Variants in ESRRG observed in about 807,000 individuals in gnomAD.
ESRRG encodes estrogen-related receptor gamma.
Under a neutral mutation model 44.0 loss-of-function variants are expected in ESRRG, and 13 were observed. That is an observed-to-expected ratio of 0.30 (90% CI 0.19 to 0.47). ESRRG has a LOEUF of 0.47. Ranked by LOEUF, ESRRG falls within the 20% of genes least tolerant of loss-of-function variation. The pLI is 1.00. For missense variants in ESRRG, 395 were observed against 580.6 expected (o/e 0.68, Z 3.29); for synonymous variants, 215 against 214.6 (o/e 1.00, Z -0.02).
At chr1:216,518,242 A>G (rs924113920) in intron 6 of ESRRG, among the ~76,000 whole-genome samples, 8 of 152,150 alleles carry the variant, frequency 5.3e-5, no homozygotes, top group African/African-American at 1.9e-4. Context: ...GCAGAATTTG[A>G]ACAAATAGCC....
Position 216,733,066 on chromosome 1 carries a change from C to CA in ESRRG, c.-13-55576dup, listed in dbSNP as rs35856655. Among the ~76,000 whole-genome samples the CA allele has an allele frequency of 1.8e-3, 271 of 147,170 alleles. 5 individuals carry two copies. In the East Asian group the frequency reaches 0.042, roughly 23 times the overall value. ...CATTAAGACAGAAGCAACAATAATC[C>CA]AAAAAAAAAAAAAATTCAACTTTAA... On this transcript the variant is annotated intron_variant, in intron 2 of 7. Transcript: ENST00000359162.
At chr1:216,821,349 A>G (rs1016890563) in intron 2 of ESRRG, among the ~76,000 whole-genome samples, 2 of 151,958 alleles carry the variant, frequency 1.3e-5, no homozygotes, top group Non-Finnish European at 2.9e-5. Context: ...GAACCATTTG[A>G]AATTGTGGGG....
At chr1:216,903,707 G>T (rs1470137464) in intron 2 of ESRRG, among the ~76,000 whole-genome samples, 2 of 152,060 alleles carry the variant, frequency 1.3e-5, no homozygotes, top group East Asian at 3.9e-4. Flanking sequence ...AGTAAGAAGT[G>T]CCTTGGGGAA....
intron 2 of ESRRG, among the ~76,000 whole-genome samples, chr1:216,799,113 C>T (rs1488480723): frequency 6.6e-6 from 1 of 151,928 alleles, no homozygotes; most frequent in Non-Finnish European, 1.5e-5. Flanking sequence ...GTATGCTGTC[C>T]CCAAAGAGCC....
intron 2 of ESRRG, among the ~76,000 whole-genome samples, chr1:216,775,015 C>T (rs1395078036): frequency 6.6e-6 from 1 of 151,128 alleles, no homozygotes; most frequent in Non-Finnish European, 1.5e-5. Context: ...CACTATATTG[C>T]TCAGGCTGGT....
At chr1:216,625,961 CCTCT>C (rs756388394) in intron 3 of ESRRG, among the ~76,000 whole-genome samples, 5 of 152,104 alleles carry the variant, frequency 3.3e-5, no homozygotes, top group African/African-American at 1.2e-4. Context: ...TCTCTCACTC[CCTCT>C]GTCTGTTTTT....
intron 1 of ESRRG, among the ~76,000 whole-genome samples, chr1:216,951,049 G>A (rs1396896561): frequency 1.3e-5 from 2 of 152,090 alleles, no homozygotes; most frequent in Non-Finnish European, 2.9e-5. Flanking sequence ...AAAAGAGAGT[G>A]GAAAAGACCA....
At chr1:216,574,804 A>AT (rs2061413488) in intron 3 of ESRRG, among the ~76,000 whole-genome samples, 3 of 152,206 alleles carry the variant, frequency 2.0e-5, no homozygotes, top group Admixed American at 6.6e-5. Context: ...GAGTATAGGG[A>AT]GCAGAATGGA....
In ESRRG at chr1:217,015,020, C is replaced by A. The variant is rs537261460; in HGVS notation, c.-106+74487G>T. Among the ~76,000 whole-genome samples, 22 of 152,188 alleles carry A rather than the reference C, an allele frequency of 1.4e-4. No individual in the cohort carries two copies. In the East Asian group the frequency reaches 4.1e-3, roughly 28 times the overall value. Reference sequence around the variant, plus strand: ...AAAATGACCAAAAAAAGCAGAAACCCCATTGAACAATCTGCTCTGAAAATA... The same window carrying A: ...AAAATGACCAAAAAAAGCAGAAACCACATTGAACAATCTGCTCTGAAAATA... On this transcript the variant is annotated intron_variant, in intron 1 of 7. Coordinates refer to the ESRRG transcript ENST00000359162.
intron 3 of ESRRG, among the ~76,000 whole-genome samples, chr1:216,590,800 T>C (rs1421674130): frequency 6.6e-6 from 1 of 152,164 alleles, no homozygotes; most frequent in East Asian, 1.9e-4. Flanking sequence ...AGTATCTCAA[T>C]TAGACTCCAA....
chr1:216,622,520 CGTT>C (rs1056918692), intron 3 of ESRRG, among the ~76,000 whole-genome samples: 2 of 152,026 alleles, frequency 1.3e-5, no homozygotes, highest in African/African-American at 4.8e-5. Context: ...ATGGCCTACA[CGTT>C]GTAAAAATTT....
intron 2 of ESRRG, among the ~76,000 whole-genome samples, chr1:216,750,906 A>G (rs928641078): frequency 6.6e-6 from 1 of 152,168 alleles, no homozygotes; most frequent in African/African-American, 2.4e-5. Flanking sequence ...TCTGTGTTTA[A>G]CCATTTTCTC....
intron 1 of ESRRG, among the ~76,000 whole-genome samples, chr1:217,011,021 C>G (rs1430859480): frequency 6.6e-6 from 1 of 152,176 alleles, no homozygotes; most frequent in Non-Finnish European, 1.5e-5. Flanking sequence ...CAAATTCCAA[C>G]AAGCCACATT....
At chr1:216,933,495 T>C (rs193031144) in intron 2 of ESRRG, among the ~76,000 whole-genome samples, 230 of 152,146 alleles carry the variant, frequency 1.5e-3, no homozygotes, top group African/African-American at 5.4e-3. Context: ...GTGTAAATAC[T>C]CCCTCCATGG....
intron 2 of ESRRG, among the ~76,000 whole-genome samples, chr1:216,762,816 T>C (rs1224991401): frequency 6.6e-6 from 1 of 152,018 alleles, no homozygotes; most frequent in African/African-American, 2.4e-5. Context: ...ACTTAATTCT[T>C]GAGCTCAAAA....
At chr1:216,769,042 T>A (rs956543498) in intron 2 of ESRRG, among the ~76,000 whole-genome samples, 1 of 150,324 alleles carries the variant, frequency 6.7e-6, no homozygotes, top group Non-Finnish European at 1.5e-5. Context: ...ATGAGAAGCA[T>A]GGAATAGATG....
intron 1 of ESRRG, among the ~76,000 whole-genome samples, chr1:217,137,079 C>A (rs564288402): frequency 1.3e-5 from 2 of 152,188 alleles, no homozygotes; most frequent in Non-Finnish European, 2.9e-5. Context: ...GGGGAGGGAG[C>A]CGGAGGACAG....
At chr1:217,107,053 C>T (rs2092606229) in intron 1 of ESRRG, among the ~76,000 whole-genome samples, 1 of 152,150 alleles carries the variant, frequency 6.6e-6, no homozygotes, top group African/African-American at 2.4e-5. Context: ...ATATATTCAT[C>T]TGTTTTTCAA....
chr1:216,937,741 C>A (rs1465753452), intron 2 of ESRRG, among the ~76,000 whole-genome samples: 1 of 152,146 alleles, frequency 6.6e-6, no homozygotes, highest in Non-Finnish European at 1.5e-5. Flanking sequence ...ACCTGAAACC[C>A]AGGATGTTGC....
Sources: allele counts gnomAD v4.1 joint callset (sites outside exome capture counted in the v4.1 genomes callset), GRCh38; gene constraint gnomAD v4.1.1; transcripts MANE v1.5; gene names NCBI Gene and HGNC (gene_info 2026-07-23, HGNC 2026-07-21).